NRG3: variants seen among roughly 807,000 people sequenced by gnomAD.
The protein encoded by NRG3 is pro-neuregulin-3, membrane-bound isoform.
NRG3 carries 31 observed loss-of-function variants against 66.9 expected under a neutral mutation model. The ratio of observed to expected loss-of-function variants is 0.46; its 90% CI spans 0.35 to 0.63. The LOEUF (loss-of-function observed/expected upper bound fraction) is 0.63. Among genes scored for constraint, NRG3 ranks in the 20% least tolerant of loss-of-function variants. The pLI is 0.00. For missense variants in NRG3, 910 were observed against 878.9 expected (o/e 1.04, Z -0.45); for synonymous variants, 393 against 359.4 (o/e 1.09, Z -1.06).
intron 2 of NRG3, among the ~76,000 whole-genome samples, chr10:82,690,969 T>C (rs1249260011): frequency 6.6e-6 from 1 of 152,148 alleles, no homozygotes; most frequent in Admixed American, 6.5e-5. Flanking sequence ...CTTCTCTCCT[T>C]CCTCCTCTTT....
chr10:82,561,463 G>A (rs2133015740), intron 2 of NRG3, among the ~76,000 whole-genome samples: 1 of 152,238 alleles, frequency 6.6e-6, no homozygotes, highest in Middle Eastern at 3.4e-3. Flanking sequence ...ATCAGCCTGA[G>A]TAACATGGCG....
chr10:82,942,847 A>G (rs887786572), intron 4 of NRG3, among the ~76,000 whole-genome samples: 1 of 152,202 alleles, frequency 6.6e-6, no homozygotes, highest in African/African-American at 2.4e-5. Context: ...AGTGTGAAAG[A>G]CAGAGCCCAT....
chr10:81,929,521 G>C lies in NRG3; in HGVS notation c.823+53358G>C, dbSNP rs555856312. Reference sequence around the variant, plus strand: ...TATGGAGCCCAGGCTCCTCATGATGGGTTGGGTGACTGAAACACATTTTTT... The same window carrying C: ...TATGGAGCCCAGGCTCCTCATGATGCGTTGGGTGACTGAAACACATTTTTT... On this transcript the variant is annotated intron_variant, in intron 1 of 8. Transcript: ENST00000372141. Among the ~76,000 whole-genome samples, 3 of 152,262 alleles carry C rather than the reference G, an allele frequency of 2.0e-5. No individual in the cohort carries two copies. In the South Asian group the frequency reaches 6.2e-4, roughly 32 times the overall value.
At chr10:82,850,040 T>A (rs899383667) in intron 3 of NRG3, among the ~76,000 whole-genome samples, 1 of 152,032 alleles carries the variant, frequency 6.6e-6, no homozygotes, top group Non-Finnish European at 1.5e-5. Flanking sequence ...GTGAGAGAAG[T>A]GGTTGGCTTG....
intron 1 of NRG3, among the ~76,000 whole-genome samples, chr10:82,117,014 GC>G (rs1485768808): frequency 6.6e-6 from 1 of 152,026 alleles, no homozygotes; most frequent in Non-Finnish European, 1.5e-5. Context: ...CCCCAATGCA[GC>G]CCCACAATGT....
intron 6 of NRG3, among the ~76,000 whole-genome samples, chr10:82,973,284 A>T (rs1447955411): frequency 6.6e-6 from 1 of 152,252 alleles, no homozygotes; most frequent in Non-Finnish European, 1.5e-5. Flanking sequence ...CTTGTTAAAC[A>T]TGGTAACTAC....
At chr10:82,950,344 G>A (rs1037914271) in intron 4 of NRG3, among the ~76,000 whole-genome samples, 5 of 152,280 alleles carry the variant, frequency 3.3e-5, no homozygotes, top group South Asian at 4.1e-4. Flanking sequence ...GAGAGGGAAA[G>A]TTGTGTCAGG....
At chr10:82,972,903 A>G (rs1851901735) in intron 6 of NRG3, among the ~76,000 whole-genome samples, 3 of 152,194 alleles carry the variant, frequency 2.0e-5, no homozygotes. Flanking sequence ...TTAGAGTTTT[A>G]CAGTTACTCA....
chr10:82,349,576 G>C (rs2083275976), intron 1 of NRG3, among the ~76,000 whole-genome samples: 1 of 152,022 alleles, frequency 6.6e-6, no homozygotes, highest in Non-Finnish European at 1.5e-5. Flanking sequence ...GCCTCCTTGA[G>C]CTGTGGTGGG....
At chr10:82,301,047 A>T (rs2080373639) in intron 1 of NRG3, among the ~76,000 whole-genome samples, 2 of 152,190 alleles carry the variant, frequency 1.3e-5, no homozygotes, top group Non-Finnish European at 2.9e-5. Flanking sequence ...GAGGAGATTA[A>T]ATGTGCATTA....
At chr10:82,404,372 A>T (rs747003553) in intron 2 of NRG3, among the ~76,000 whole-genome samples, 6 of 152,238 alleles carry the variant, frequency 3.9e-5, no homozygotes, top group Middle Eastern at 3.4e-3. Flanking sequence ...GTCTGCTGGG[A>T]CTATGAGGTT....
chr10:82,631,705 T>C (rs2049852065), intron 2 of NRG3, among the ~76,000 whole-genome samples: 1 of 152,034 alleles, frequency 6.6e-6, no homozygotes. Context: ...CAGCCTCTGA[T>C]AGGGTTCACG....
intron 1 of NRG3, among the ~76,000 whole-genome samples, chr10:82,160,673 G>A (rs780738014): frequency 4.6e-5 from 7 of 151,748 alleles, no homozygotes; most frequent in Non-Finnish European, 8.8e-5. Context: ...AATAACTCAG[G>A]GAATAGCAAA....
intron 1 of NRG3, among the ~76,000 whole-genome samples, chr10:82,102,047 G>A (rs1217442611): frequency 2.2e-5 from 3 of 134,014 alleles, no homozygotes; most frequent in Admixed American, 7.6e-5. Context: ...ACATATAAAT[G>A]TAATGTGTGT....
chr10:82,014,209 G>A (rs1405367814), intron 1 of NRG3, among the ~76,000 whole-genome samples: 1 of 152,154 alleles, frequency 6.6e-6, no homozygotes, highest in African/African-American at 2.4e-5. Context: ...AGACTGGGCA[G>A]TTCCTCTGTG....
intron 1 of NRG3, among the ~76,000 whole-genome samples, chr10:82,283,720 T>C (rs1453653780): frequency 6.6e-6 from 1 of 152,116 alleles, no homozygotes; most frequent in Non-Finnish European, 1.5e-5. Flanking sequence ...TCATACTGGG[T>C]CATGGAAGTA....
chr10:82,413,681 G>C (rs1249016098), intron 2 of NRG3, among the ~76,000 whole-genome samples: 3 of 152,128 alleles, frequency 2.0e-5, no homozygotes, highest in African/African-American at 7.2e-5. Context: ...TTGAAAACCT[G>C]TTGTTTATTG....
At chr10:82,126,106 G>A (rs2068434708) in intron 1 of NRG3, among the ~76,000 whole-genome samples, 1 of 151,958 alleles carries the variant, frequency 6.6e-6, no homozygotes, top group Non-Finnish European at 1.5e-5. Context: ...GGAAACTGGG[G>A]TGTTGGACAG....
intron 2 of NRG3, among the ~76,000 whole-genome samples, chr10:82,687,612 T>C (rs1043548366): frequency 6.6e-6 from 1 of 152,030 alleles, no homozygotes; most frequent in Non-Finnish European, 1.5e-5. Flanking sequence ...GTGCTGCATA[T>C]AGGGATATTA....
Sources: allele counts gnomAD v4.1 joint callset (sites outside exome capture counted in the v4.1 genomes callset), GRCh38; gene constraint gnomAD v4.1.1; transcripts MANE v1.5; gene names NCBI Gene and HGNC (gene_info 2026-07-23, HGNC 2026-07-21).